The following FRMD4B variants were observed in gnomAD, a reference collection of about 807,000 sequenced individuals.
FRMD4B encodes the protein FERM domain-containing protein 4B.
In FRMD4B, 74 loss-of-function variants were observed where a neutral mutation model predicts 141.5. The ratio of observed to expected loss-of-function variants is 0.52; its 90% CI spans 0.43 to 0.63. FRMD4B has a LOEUF of 0.63. Ranked by LOEUF, FRMD4B falls within the 30% of genes least tolerant of loss-of-function variation. The pLI is 0.00. For synonymous variants in FRMD4B, 506 were observed against 467.9 expected, an observed-to-expected ratio of 1.08 and a Z score of -1.05; for missense variants, 1,366 against 1,253.4, an observed-to-expected ratio of 1.09 and a Z score of -1.36.
At chr3:69,373,635 G>A (rs534760158) in intron 1 of FRMD4B, among the ~76,000 whole-genome samples, 2 of 152,260 alleles carry the variant, frequency 1.3e-5, no homozygotes, top group East Asian at 3.9e-4. Context: ...CACTTTGAGA[G>A]GCTGAGGTGG....
chr3:69,455,365 C>T (rs1307854339), intron 1 of FRMD4B, among the ~76,000 whole-genome samples: 2 of 152,180 alleles, frequency 1.3e-5, no homozygotes, highest in South Asian at 2.1e-4. Context: ...GTCTGCACTG[C>T]CTTTATGAGC....
At chr3:69,296,863 G>GA (rs1440537505) in intron 4 of FRMD4B, among the ~76,000 whole-genome samples, 2 of 151,992 alleles carry the variant, frequency 1.3e-5, no homozygotes, top group Non-Finnish European at 2.9e-5. Flanking sequence ...TTCATTGTAA[G>GA]AAAAAATACA....
chr3:69,379,915 G>A (rs937115791), intron 1 of FRMD4B, among the ~76,000 whole-genome samples: 18 of 152,206 alleles, frequency 1.2e-4, no homozygotes, highest in African/African-American at 3.4e-4. Context: ...GACTTTGCCC[G>A]CAAGCCATAG....
At chr3:69,539,895 A>G (rs1414419540) in intron 1 of FRMD4B, among the ~76,000 whole-genome samples, 1 of 152,168 alleles carries the variant, frequency 6.6e-6, no homozygotes, top group African/African-American at 2.4e-5. Flanking sequence ...TCAGATTACA[A>G]AAAGGAAGAA....
At chr3:69,321,476 A>G (rs1216204399) in intron 1 of FRMD4B, among the ~76,000 whole-genome samples, 1 of 152,182 alleles carries the variant, frequency 6.6e-6, no homozygotes, top group Non-Finnish European at 1.5e-5. Flanking sequence ...TTCTAGAGTG[A>G]AATCTGCCAT....
At chr3:69,453,280 C>T (rs1397063728) in intron 1 of FRMD4B, among the ~76,000 whole-genome samples, 2 of 152,204 alleles carry the variant, frequency 1.3e-5, no homozygotes, top group African/African-American at 4.8e-5. Context: ...TTGCATCTGG[C>T]TGGCTCTGTG....
intron 1 of FRMD4B, among the ~76,000 whole-genome samples, chr3:69,433,474 T>C (rs1265149127): frequency 6.6e-6 from 1 of 152,164 alleles, no homozygotes; most frequent in African/African-American, 2.4e-5. Context: ...TGTTCTGCCA[T>C]GTGGTAAGTG....
chr3:69,177,238 C>A (rs996289898), intron 21 of FRMD4B, among the ~76,000 whole-genome samples: 14 of 152,082 alleles, frequency 9.2e-5, no homozygotes, highest in Non-Finnish European at 1.2e-4. Context: ...ACTCAGGAGG[C>A]TGAGACAGGA....
At chr3:69,313,372 C>T in intron 2 of FRMD4B, 80 bp downstream of exon 2, 1 of 867,402 alleles carries the variant, frequency 1.2e-6, no homozygotes, top group Non-Finnish European at 1.9e-6. Context: ...AGAGAGGGAA[C>T]CAGGATGAGC....
chr3:69,325,208 T>A (rs1244120686), intron 1 of FRMD4B, among the ~76,000 whole-genome samples: 1 of 152,210 alleles, frequency 6.6e-6, no homozygotes, highest in Admixed American at 6.5e-5. Flanking sequence ...GGAGGGCTGA[T>A]GGTGTTTTCT....
chr3:69,484,788 C>T (rs925687923), intron 1 of FRMD4B, among the ~76,000 whole-genome samples: 6 of 152,116 alleles, frequency 3.9e-5, no homozygotes, highest in African/African-American at 1.4e-4. Context: ...TCCTCTCTGA[C>T]CTCTGCCCTG....
intron 5 of FRMD4B, among the ~76,000 whole-genome samples, chr3:69,273,045 T>C (rs1205823274): frequency 6.6e-6 from 1 of 152,204 alleles, no homozygotes; most frequent in Non-Finnish European, 1.5e-5. Context: ...CTTCCATTCT[T>C]TCTTTGGTGC....
At chr3:69,423,515 T>C (rs190024488) in intron 2 of FRMD4B, among the ~76,000 whole-genome samples, 39 of 152,314 alleles carry the variant, frequency 2.6e-4, no homozygotes, top group Admixed American at 5.2e-4. Flanking sequence ...TGGTTGGTGA[T>C]TTTGCTGTTT....
At chr3:69,276,746 C>T (rs1028879791) in intron 5 of FRMD4B, among the ~76,000 whole-genome samples, 2 of 152,142 alleles carry the variant, frequency 1.3e-5, no homozygotes, top group African/African-American at 4.8e-5. Context: ...GGGCAGATCA[C>T]CTGAGGTCAG....
rs33955997 is a variant in FRMD4B, at chr3:69,205,059, C to CAAA, written c.877-6288_877-6286dup. Among the ~76,000 whole-genome samples, 275 of 124,426 alleles carry CAAA rather than the reference C, an allele frequency of 2.2e-3. 7 individuals carry two copies. Among genetic ancestry groups the CAAA allele is most frequent in the African/African-American group, 8.2e-3 (256 of 31,170 alleles). 81.6% of individuals were successfully genotyped at this position (124,426 alleles called of 152,430 possible). A position where few individuals can be genotyped will look rare whatever the true frequency, so the allele number is the denominator to read the frequency against. On this transcript the variant is annotated intron_variant, in intron 11 of 22. Coordinates refer to ENST00000398540, the MANE Select transcript of FRMD4B (RefSeq NM_015123.3). The stretch of plus-strand genomic sequence containing the variant: ...GTATGGGTATCTGTTATGTTTTTAA[C>CAAA]AAAAAAAAAAAAAAAGAAAAAGAGA...
At chr3:69,451,364 G>A (rs1402912233) in intron 1 of FRMD4B, among the ~76,000 whole-genome samples, 1 of 152,188 alleles carries the variant, frequency 6.6e-6, no homozygotes, top group Non-Finnish European at 1.5e-5. Context: ...ATGGATGATA[G>A]CTGTAGGAAG....
At chr3:69,480,491 G>C (rs1559540765) in intron 1 of FRMD4B, among the ~76,000 whole-genome samples, 1 of 152,194 alleles carries the variant, frequency 6.6e-6, no homozygotes, top group Non-Finnish European at 1.5e-5. Flanking sequence ...CTGTTTGCCT[G>C]GGTATCCGCA....
At chr3:69,249,854 T>C (rs892207227) in intron 6 of FRMD4B, among the ~76,000 whole-genome samples, 189 bp downstream of exon 6, 1 of 152,210 alleles carries the variant, frequency 6.6e-6, no homozygotes, top group African/African-American at 2.4e-5. Context: ...AGACTCACAA[T>C]ATCACATTGT....
At chr3:69,537,402 C>G (rs1701104406) in intron 1 of FRMD4B, among the ~76,000 whole-genome samples, 1 of 152,182 alleles carries the variant, frequency 6.6e-6, no homozygotes, top group Non-Finnish European at 1.5e-5. Flanking sequence ...CTCATTTGCC[C>G]TAGGCTTTAA....
Sources: gnomAD v4.1 joint callset for allele counts (sites outside exome capture counted in the v4.1 genomes callset) on GRCh38, gnomAD v4.1.1 for gene constraint, MANE v1.5 for transcripts, NCBI Gene and HGNC (gene_info 2026-07-23, HGNC 2026-07-21) for gene names.